Variants in HSPA12A observed in about 807,000 individuals in gnomAD.
The protein encoded by HSPA12A is heat shock 70 kDa protein 12A.
Under a neutral mutation model 69.2 loss-of-function variants are expected in HSPA12A, and 28 were observed. That is an observed-to-expected ratio of 0.40 (90% CI 0.30 to 0.55). HSPA12A has a LOEUF of 0.55. Among genes scored for constraint, HSPA12A ranks in the 20% least tolerant of loss-of-function variants. The pLI is 0.38. For synonymous variants in HSPA12A, 345 were observed against 370.5 expected, an observed-to-expected ratio of 0.93 and a Z score of 0.79; for missense variants, 686 against 900.7, an observed-to-expected ratio of 0.76 and a Z score of 3.05.
intron 2 of HSPA12A, among the ~76,000 whole-genome samples, chr10:116,706,007 G>A (rs996719122): frequency 6.9e-6 from 1 of 144,240 alleles, no homozygotes; most frequent in Non-Finnish European, 1.5e-5. Flanking sequence ...GCCCTTCTCC[G>A]CCTCAGCCTC....
At chr10:116,698,418 A>G in intron 5 of HSPA12A, 1 of 423,460 alleles carries the variant, frequency 2.4e-6, no homozygotes, top group East Asian at 3.3e-5. Context: ...TTACTTTTTT[A>G]GGAATTGCCA....
chr10:116,740,697 CGTGTGT>C (rs1182877230), intron 1 of HSPA12A, among the ~76,000 whole-genome samples: 9 of 86,510 alleles, frequency 1.0e-4, no homozygotes, highest in South Asian at 4.2e-4. Context: ...TGTGTGTGTG[CGTGTGT>C]GTGTGTGTTA....
chr10:116,686,517 G>A lies in HSPA12A; in HGVS notation c.664-2555C>T, dbSNP rs1448813425. Among the ~76,000 whole-genome samples the A allele has an allele frequency of 1.3e-5, 2 of 152,188 alleles. No homozygotes were observed. Among genetic ancestry groups the A allele is most frequent in the Non-Finnish European group, 2.9e-5 (2 of 68,030 alleles). ...GGGGATGGCAGTAGACCCATGAGTG[G>A]AGCCCAAGGAGTTGGTGTGAAGGAA... is the stretch of plus-strand genomic sequence containing the variant. On this transcript the variant is annotated intron_variant, in intron 6 of 11. Coordinates refer to ENST00000369209, the MANE Select transcript of HSPA12A (RefSeq NM_025015.3). This position sits in a 1 kb window ranked among gnomAD's most constrained non-coding sequence, Gnocchi z 4.1.
rs1439603842 is a variant in HSPA12A, at chr10:116,766,810, C to T, written c.92-59525G>A. 2.6e-5 allele frequency among the ~76,000 whole-genome samples: 4 copies of T among 152,190 alleles called. No homozygotes were observed. In the East Asian group the frequency reaches 7.7e-4, roughly 29 times the overall value. On this transcript the variant is annotated intron_variant, in intron 2 of 12. Coordinates refer to the HSPA12A transcript ENST00000635765. ...CTACTCTGGCCGCATCATTTAATAA[C>T]TAACAATTTTGTTGAGACATTTCCT... is the stretch of plus-strand genomic sequence containing the variant.
chr10:116,692,409 G>T lies in HSPA12A; in HGVS notation c.605C>A (p.Thr202Lys). The T allele has an allele frequency of 1.9e-6, 3 of 1,614,124 alleles. No homozygotes were observed. Among genetic ancestry groups the T allele is most frequent in the Non-Finnish European group, 2.5e-6 (3 of 1,180,026 alleles). Residue 202 changes from threonine (T) to lysine (K), a missense_variant, in exon 6 of 12, where the codon ACG (threonine) becomes AAG (lysine). Physicochemically the swap from Thr to Lys is moderately conservative, Grantham distance 78 (BLOSUM62 -1). Coordinates refer to ENST00000369209, the MANE Select transcript of HSPA12A (RefSeq NM_025015.3). Reference sequence around the variant, plus strand: ...CGGCTGCTTCCAGATGGCAGGCACCGTGATGACCCATCTGACATCAGAGTT... The same window carrying T: ...CGGCTGCTTCCAGATGGCAGGCACCTTGATGACCCATCTGACATCAGAGTT... ...FENSDVRWVI[T>K]VPAIWKQPAK...
At chr10:116,738,954 C>T (rs1851396094) in intron 1 of HSPA12A, among the ~76,000 whole-genome samples, 1 of 152,192 alleles carries the variant, frequency 6.6e-6, no homozygotes, top group Non-Finnish European at 1.5e-5. Flanking sequence ...GAAGTGGATC[C>T]CATAGCCAGA....
intron 2 of HSPA12A, among the ~76,000 whole-genome samples, chr10:116,754,815 A>T (rs1214478318): frequency 6.6e-6 from 1 of 152,256 alleles, no homozygotes. Context: ...TAGAGTCTAT[A>T]CTTTCATACA....
Position 116,748,729 on chromosome 10 carries a change from A to G in HSPA12A, c.92-41444T>C, listed in dbSNP as rs1298411574. 2.0e-5 allele frequency among the ~76,000 whole-genome samples: 3 copies of G among 152,186 alleles called. No individual in the cohort carries two copies. The East Asian group carries it at 5.8e-4, about 29-fold the overall frequency. On this transcript the variant is annotated intron_variant, in intron 2 of 12. Coordinates refer to the HSPA12A transcript ENST00000635765. ...AGCTTGTGCAAGGGAACTCCTCTTTATAAAACCATCAGATTTCATGAGACA... is the reference window on the plus strand; with the variant it reads ...AGCTTGTGCAAGGGAACTCCTCTTTGTAAAACCATCAGATTTCATGAGACA...
At chr10:116,849,888 G>C, upstream of HSPA12A, 1 of 868,730 alleles carries the variant, frequency 1.2e-6, no homozygotes, top group Non-Finnish European at 1.9e-6. Context: ...TGGAGGGAAG[G>C]AGCGGGAAGG....
chr10:116,824,329 G>A (rs953683124), intron 2 of HSPA12A, among the ~76,000 whole-genome samples: 6 of 152,198 alleles, frequency 3.9e-5, no homozygotes, highest in African/African-American at 1.2e-4. Flanking sequence ...TGTACCCACT[G>A]TGGAAAACAG....
At chr10:116,775,988 G>A (rs1844327639) in intron 2 of HSPA12A, among the ~76,000 whole-genome samples, 2 of 152,194 alleles carry the variant, frequency 1.3e-5, no homozygotes, top group Admixed American at 1.3e-4. Context: ...TTGGTGGTGA[G>A]TGAGGGGCTT....
intron 2 of HSPA12A, among the ~76,000 whole-genome samples, chr10:116,773,048 AC>A (rs1248667929): frequency 6.6e-6 from 1 of 152,130 alleles, no homozygotes; most frequent in East Asian, 1.9e-4. Flanking sequence ...AGGACCGGGG[AC>A]CCTAGCTAGA....
chr10:116,752,139 TG>T (rs1255995539), intron 2 of HSPA12A, among the ~76,000 whole-genome samples: 1 of 152,170 alleles, frequency 6.6e-6, no homozygotes, highest in Non-Finnish European at 1.5e-5. Context: ...ATGGGGACGT[TG>T]GGGGTGGTGA....
chr10:116,785,785 C>T (rs1243288570), intron 2 of HSPA12A, among the ~76,000 whole-genome samples: 1 of 152,172 alleles, frequency 6.6e-6, no homozygotes, highest in Non-Finnish European at 1.5e-5. Context: ...ACCGGTTATC[C>T]CAGCCAGAAG....
intron 1 of HSPA12A, among the ~76,000 whole-genome samples, chr10:116,715,448 C>T (rs1332227575): frequency 2.0e-5 from 3 of 152,132 alleles, no homozygotes; most frequent in African/African-American, 4.8e-5. Context: ...AGTACAGTTA[C>T]ATAATTTTTA....
intron 1 of HSPA12A, among the ~76,000 whole-genome samples, chr10:116,846,235 G>T (rs924614278): frequency 6.6e-6 from 1 of 151,756 alleles, no homozygotes; most frequent in African/African-American, 2.4e-5. Flanking sequence ...GTCTATAGGG[G>T]AATAATTGAG....
intron 2 of HSPA12A, among the ~76,000 whole-genome samples, chr10:116,834,452 C>T (rs968708724): frequency 2.0e-5 from 3 of 152,080 alleles, no homozygotes; most frequent in Admixed American, 1.3e-4. Flanking sequence ...TGGAGGGAGG[C>T]ACCAAAGAAG....
chr10:116,716,329 G>A (rs782132984), intron 1 of HSPA12A, among the ~76,000 whole-genome samples: 5 of 152,130 alleles, frequency 3.3e-5, no homozygotes, highest in Non-Finnish European at 5.9e-5. Context: ...TAACAGCCTT[G>A]GCATCTTCCT....
intron 2 of HSPA12A, among the ~76,000 whole-genome samples, chr10:116,777,179 T>C (rs553907496): frequency 6.6e-6 from 1 of 152,312 alleles, no homozygotes; most frequent in South Asian, 2.1e-4. Flanking sequence ...GTTAAGTTCT[T>C]GCCGCGTGGC....
Sources: gnomAD v4.1 joint callset for allele counts (sites outside exome capture counted in the v4.1 genomes callset) on GRCh38, gnomAD v4.1.1 for gene constraint, Gnocchi (gnomAD v3.1) non-coding constraint, MANE v1.5 for transcripts, NCBI Gene and HGNC (gene_info 2026-07-23, HGNC 2026-07-21) for gene names.